CLDN24: variants seen among roughly 807,000 people sequenced by gnomAD.
The protein encoded by CLDN24 is claudin 24, also known as claudin-24.
For synonymous variants in CLDN24, 103 were observed against 104.7 expected (o/e 0.98, Z 0.10); for missense variants, 217 against 253.9 (o/e 0.85, Z 0.99).
chr4:183,321,771 TGAG>T lies in CLDN24; in HGVS notation c.653_655del (p.Pro218del), dbSNP rs1186318987. The stretch of plus-strand genomic sequence containing the variant: ...TCTGGCCTTGTCGGAGTCTTACACT[TGAG>T]GATCTGCTGTCCCATCTTCCAGGTA... On this transcript the variant is annotated inframe_deletion, in exon 1 of 1. Coordinates refer to ENST00000541814, the MANE Select transcript of CLDN24 (RefSeq NM_001185149.1). The T allele has an allele frequency of 1.5e-5, 23 of 1,544,234 alleles. No individual in the cohort carries two copies. Among genetic ancestry groups the T allele is most frequent in the Admixed American group, 5.9e-5 (3 of 50,744 alleles).
rs532949417 is a variant in CLDN24 at position 183,322,074 on chromosome 4, A to G, written c.353T>C (p.Leu118Pro). ...GGACAGAATTCCTCCCAGAATGAGC[A>G]GTCGCCTCTTGAGATCTCTCTGACT... ...GESQRDLKRR[L>P]LILGGILSWA... The change falls in exon 1 of 1, where the codon CTG becomes CCG. Residue 118 changes from leucine to proline, a missense_variant. Leu to Pro is a moderately conservative substitution (Grantham distance 98, BLOSUM62 -3). Transcript: ENST00000541814. 100 of 1,613,966 alleles carry G rather than the reference A, an allele frequency of 6.2e-5. 2 individuals are homozygous for G. In the Middle Eastern group the frequency reaches 6.6e-4, roughly 11 times the overall value.
In CLDN24 at chr4:183,321,798, T is replaced by A. The variant is rs766993328; in HGVS notation, c.629A>T (p.Tyr210Phe). 6.5e-7 allele frequency: 1 copy of A among 1,549,916 alleles called. No individual in the cohort carries two copies. Among genetic ancestry groups the A allele is most frequent in the South Asian group, 1.2e-5 (1 of 84,006 alleles). ...AVAQMQTQCP[Y>F]LEDGTADPQV The stretch of plus-strand genomic sequence containing the variant: ...AGGATCTGCTGTCCCATCTTCCAGG[T>A]AGGGACACTGAGTTTGCATTTGCGC... Residue 210 changes from tyrosine to phenylalanine, a missense_variant, in exon 1 of 1, where the codon TAC becomes TTC. Physicochemically the swap from Tyr to Phe is conservative, Grantham distance 22. Transcript: ENST00000541814.
chr4:183,321,801 G>C lies in CLDN24; in HGVS notation c.626C>G (p.Pro209Arg). ...ATCTGCTGTCCCATCTTCCAGGTAGGGACACTGAGTTTGCATTTGCGCCAC... is the reference window on the plus strand; with the variant it reads ...ATCTGCTGTCCCATCTTCCAGGTAGCGACACTGAGTTTGCATTTGCGCCAC... ...YAVAQMQTQC[P>R]YLEDGTADPQ... is the part of the protein sequence containing the mutation. Residue 209 changes from proline (P) to arginine (R), a missense_variant, in exon 1 of 1, where the codon CCC (proline) becomes CGC (arginine). Physicochemically the swap from Pro to Arg is moderately radical, Grantham distance 103 (BLOSUM62 -2). Coordinates refer to ENST00000541814, the MANE Select transcript of CLDN24 (RefSeq NM_001185149.1). The C allele has an allele frequency of 6.5e-7, 1 of 1,550,222 alleles. No homozygotes were observed. The highest frequency in any genetic ancestry group is 8.7e-7 in the Non-Finnish European group (1 of 1,146,896).
At position 183,322,002 on chromosome 4, in the gene CLDN24, T is replaced by C. The variant is rs766018814; in HGVS notation, c.425A>G (p.His142Arg). The change falls in exon 1 of 1, where the codon CAC (histidine) becomes CGC (arginine). Residue 142 changes from histidine (H) to arginine (R), a missense_variant. His to Arg is a conservative substitution (Grantham distance 29, BLOSUM62 0). Coordinates refer to ENST00000541814, the MANE Select transcript of CLDN24 (RefSeq NM_001185149.1). Reference protein sequence around the residue: ...TALVPVSWVAHKTVQEFWDEN... With the variant: ...TALVPVSWVARKTVQEFWDEN... ...ATCCCAGAACTCCTGAACCGTCTTG[T>C]GGGCAACCCAAGAGACGGGAACCAG... The C allele has an allele frequency of 3.7e-6, 6 of 1,613,290 alleles. No individual in the cohort carries two copies. Among genetic ancestry groups the C allele is most frequent in the East Asian group, 4.5e-5 (2 of 44,856 alleles).
chr4:183,322,116 C>T lies in CLDN24; in HGVS notation c.311G>A (p.Cys104Tyr). 2.5e-6 allele frequency: 4 copies of T among 1,613,724 alleles called. No homozygotes were observed. Among genetic ancestry groups the T allele is most frequent in the Non-Finnish European group, 3.4e-6 (4 of 1,179,778 alleles). ...TCTCTGACTCTCTCCAATTCTCAAA[C>T]AGTCCAGGCCAAACCCAGAGACCAG... ...GLLVSGFGLD[C>Y]LRIGESQRDL... The change falls in exon 1 of 1, where the codon TGT (cysteine) becomes TAT (tyrosine). Residue 104 changes from cysteine (C) to tyrosine (Y), a missense_variant. Cys to Tyr is a radical substitution (Grantham distance 194, BLOSUM62 -2). Transcript: ENST00000541814.
rs779183240 is a variant in CLDN24 at position 183,321,963 on chromosome 4, T to C, written c.464A>G (p.Asp155Gly). 6.3e-7 allele frequency: 1 copy of C among 1,595,858 alleles called. No individual in the cohort carries two copies. The highest frequency in any genetic ancestry group is 1.1e-5 in the South Asian group (1 of 88,024). ...VQEFWDENVP[D>G]FVPRWEFGEA... ...CCCAAACTCCCACCTGGGGACAAAGTCTGGGACGTTCTCATCCCAGAACTC... is the reference window on the plus strand; with the variant it reads ...CCCAAACTCCCACCTGGGGACAAAGCCTGGGACGTTCTCATCCCAGAACTC... Residue 155 changes from aspartate to glycine, a missense_variant, in exon 1 of 1, where the codon GAC (aspartate) becomes GGC (glycine). Transcript: ENST00000541814.
chr4:183,322,046 C>G lies in CLDN24; in HGVS notation c.381G>C (p.Trp127Cys). The G allele has an allele frequency of 6.2e-7, 1 of 1,613,886 alleles. No homozygotes were observed. Among genetic ancestry groups the G allele is most frequent in the Non-Finnish European group, 8.5e-7 (1 of 1,179,858 alleles). Residue 127 changes from tryptophan to cysteine, a missense_variant, in exon 1 of 1, where the codon TGG (tryptophan) becomes TGC (cysteine). Trp to Cys is a radical substitution (Grantham distance 215). Transcript: ENST00000541814. ...GAACCAGGGCTGTGATTCCCGAGGC[C>G]CAGGACAGAATTCCTCCCAGAATGA... ...RLLILGGILSWASGITALVPV... is the reference protein window; with the variant it reads ...RLLILGGILSCASGITALVPV...
In CLDN24 at chr4:183,322,398, T is replaced by G. The variant is rs1431107391; in HGVS notation, c.29A>C (p.Gln10Pro). 1 of 1,607,066 alleles carries G rather than the reference T, an allele frequency of 6.2e-7. No homozygotes were observed. Among genetic ancestry groups the G allele is most frequent in the Non-Finnish European group, 8.5e-7 (1 of 1,179,918 alleles). Residue 10 changes from glutamine to proline, a missense_variant, in exon 1 of 1, where the codon CAA becomes CCA. Physicochemically the swap from Gln to Pro is moderately conservative, Grantham distance 76. Transcript: ENST00000541814. MALIFRTAMQSVGLLLSLLG... is the reference protein window; with the variant it reads MALIFRTAMPSVGLLLSLLG... ...GAGAGATAGTAAAAGTCCAACAGAT[T>G]GCATTGCTGTTCTAAAGATTAAAGC...
In CLDN24 at chr4:183,322,114, A is replaced by C; in HGVS notation, c.313T>G (p.Leu105Val). The C allele has an allele frequency of 6.2e-7, 1 of 1,613,756 alleles. No homozygotes were observed. The highest frequency in any genetic ancestry group is 8.5e-7 in the Non-Finnish European group (1 of 1,179,836). ...TCTCTCTGACTCTCTCCAATTCTCA[A>C]ACAGTCCAGGCCAAACCCAGAGACC... ...LLVSGFGLDC[L>V]RIGESQRDLK... Residue 105 changes from leucine (L) to valine (V), a missense_variant, in exon 1 of 1, where the codon TTG becomes GTG. Physicochemically the swap from Leu to Val is conservative, Grantham distance 32. Transcript: ENST00000541814.
rs1243023348 is a variant in CLDN24 at position 183,321,903 on chromosome 4, G to GAAAGTCCAGC, written c.514_523dup (p.Ser175CysfsTer?). ...GAGCAGACACCCTCCTAGCAGAAGAGAAAGTCCAGCAAACCAGCCCAGAAA... is the reference window on the plus strand; with the variant it reads ...GAGCAGACACCCTCCTAGCAGAAGAGAAAGTCCAGCAAAGTCCAGCAAACCAGCCCAGAAA... On this transcript the variant is annotated frameshift_variant, in exon 1 of 1. Transcript: ENST00000541814. LOFTEE classifies it low-confidence loss of function (END_TRUNC). 6.3e-7 allele frequency: 1 copy of GAAAGTCCAGC among 1,582,014 alleles called. No homozygotes were observed. Among genetic ancestry groups the GAAAGTCCAGC allele is most frequent in the East Asian group, 2.3e-5 (1 of 42,736 alleles).
In CLDN24 at chr4:183,321,898, G is replaced by T. The variant is rs914323438; in HGVS notation, c.529C>A (p.Leu177Met). ...FLGWFAGLSL[L>M]LGGCLLNCAA... is the part of the protein sequence containing the mutation. ...CAGTTGAGCAGACACCCTCCTAGCA[G>T]AAGAGAAAGTCCAGCAAACCAGCCC... is the stretch of plus-strand genomic sequence containing the variant. The change falls in exon 1 of 1, where the codon CTG becomes ATG. Residue 177 changes from leucine to methionine, a missense_variant. Leu to Met is a conservative substitution (Grantham distance 15, BLOSUM62 2). Transcript: ENST00000541814. The T allele has an allele frequency of 6.3e-7, 1 of 1,579,836 alleles. No homozygotes were observed. The highest frequency in any genetic ancestry group is 8.6e-7 in the Non-Finnish European group (1 of 1,162,848).
chr4:183,322,347 G>T lies in CLDN24; in HGVS notation c.80C>A (p.Thr27Lys), dbSNP rs776584334. Residue 27 changes from threonine (T) to lysine (K), a missense_variant, in exon 1 of 1, where the codon ACA (threonine) becomes AAA (lysine). Transcript: ENST00000541814. The stretch of plus-strand genomic sequence containing the variant: ...GTTCTTCCAGTGTGGCAAATAAGTT[G>T]TAATAATGGATAAAATCCATCCCAG... Reference protein sequence around the residue: ...SLLGWILSIITTYLPHWKNLN... With the variant: ...SLLGWILSIIKTYLPHWKNLN... 2.5e-6 allele frequency: 4 copies of T among 1,613,708 alleles called. No homozygotes were observed. Among genetic ancestry groups the T allele is most frequent in the Non-Finnish European group, 3.4e-6 (4 of 1,180,028 alleles).
rs1312732926 is a variant in CLDN24 at position 183,322,354 on chromosome 4, T to C, written c.73A>G (p.Ile25Val). 1.2e-6 allele frequency: 2 copies of C among 1,613,516 alleles called. No homozygotes were observed. Among genetic ancestry groups the C allele is most frequent in the Non-Finnish European group, 1.7e-6 (2 of 1,180,016 alleles). The stretch of plus-strand genomic sequence containing the variant: ...CAGTGTGGCAAATAAGTTGTAATAA[T>C]GGATAAAATCCATCCCAGGAGAGAT... Reference protein sequence around the residue: ...LLSLLGWILSIITTYLPHWKN... With the variant: ...LLSLLGWILSVITTYLPHWKN... Residue 25 changes from isoleucine (I) to valine (V), a missense_variant, in exon 1 of 1, where the codon ATT becomes GTT. Coordinates refer to ENST00000541814, the MANE Select transcript of CLDN24 (RefSeq NM_001185149.1).
chr4:183,322,329 C>T lies in CLDN24; in HGVS notation c.98G>A (p.Trp33Ter). ...ATTTAAGTCCAGGTTGAGGTTCTTC[C>T]AGTGTGGCAAATAAGTTGTAATAAT... ...LSIITTYLPHWKNLNLDLNEM... is the reference protein window; with the variant it reads ...LSIITTYLPH The change falls in exon 1 of 1, where the codon TGG (tryptophan) becomes TAG (stop). Residue 33 changes from tryptophan to a stop codon, truncating the protein, a stop_gained. Coordinates refer to ENST00000541814, the MANE Select transcript of CLDN24 (RefSeq NM_001185149.1). LOFTEE classifies it low-confidence loss of function (END_TRUNC). 1 of 1,613,944 alleles carries T rather than the reference C, an allele frequency of 6.2e-7. No individual in the cohort carries two copies. Among genetic ancestry groups the T allele is most frequent in the Non-Finnish European group, 8.5e-7 (1 of 1,180,026 alleles).
In CLDN24 at chr4:183,321,869, T is replaced by C; in HGVS notation, c.558A>G (p.Ala186=). 6.4e-7 allele frequency: 1 copy of C among 1,567,102 alleles called. No individual in the cohort carries two copies. Among genetic ancestry groups the C allele is most frequent in the Non-Finnish European group, 8.7e-7 (1 of 1,155,860 alleles). The change falls in exon 1 of 1, where the codon GCA becomes GCG. Residue 186 remains alanine (A), a synonymous_variant. Transcript: ENST00000541814. ...CTAGGGGAGCGTGGCTGGAGCAGGCTGCGCAGTTGAGCAGACACCCTCCTA... is the reference window on the plus strand; with the variant it reads ...CTAGGGGAGCGTGGCTGGAGCAGGCCGCGCAGTTGAGCAGACACCCTCCTA... ...LLLGGCLLNC[A]ACSSHAPLAL... is the part of the protein sequence containing the mutation.
rs1451845959 is a variant in CLDN24, at chr4:183,321,785, C to T, written c.642G>A (p.Gly214=). The T allele has an allele frequency of 2.6e-6, 4 of 1,547,652 alleles. No individual in the cohort carries two copies. The highest frequency in any genetic ancestry group is 4.9e-5 in the East Asian group (2 of 40,908). The change falls in exon 1 of 1, where the codon GGG becomes GGA. Residue 214 remains glycine, a synonymous_variant. Coordinates refer to ENST00000541814, the MANE Select transcript of CLDN24 (RefSeq NM_001185149.1). ...MQTQCPYLED[G]TADPQV ...AGTCTTACACTTGAGGATCTGCTGT[C>T]CCATCTTCCAGGTAGGGACACTGAG...
rs776071053 is a variant in CLDN24 at position 183,321,971 on chromosome 4, G to A, written c.456C>T (p.Asn152=). The change falls in exon 1 of 1, where the codon AAC becomes AAT. Residue 152 remains asparagine (N), a synonymous_variant. Transcript: ENST00000541814. ...HKTVQEFWDE[N]VPDFVPRWEF... is the part of the protein sequence containing the mutation. ...CCCACCTGGGGACAAAGTCTGGGACGTTCTCATCCCAGAACTCCTGAACCG... is the reference window on the plus strand; with the variant it reads ...CCCACCTGGGGACAAAGTCTGGGACATTCTCATCCCAGAACTCCTGAACCG... 5.6e-6 allele frequency: 9 copies of A among 1,603,556 alleles called. No homozygotes were observed. The highest frequency in any genetic ancestry group is 2.3e-5 in the East Asian group (1 of 44,248).
Position 183,322,184 on chromosome 4 carries a change from C to A in CLDN24, c.243G>T (p.Arg81Ser). The A allele has an allele frequency of 6.2e-7, 1 of 1,613,258 alleles. No homozygotes were observed. The highest frequency in any genetic ancestry group is 8.5e-7 in the Non-Finnish European group (1 of 1,179,500). The change falls in exon 1 of 1, where the codon AGG (arginine) becomes AGT (serine). Residue 81 changes from arginine (R) to serine (S), a missense_variant. Physicochemically the swap from Arg to Ser is moderately radical, Grantham distance 110. Transcript: ENST00000541814. The stretch of plus-strand genomic sequence containing the variant: ...GCCCATTTGACAGAAACATTAAGAT[C>A]CTGGAGACCCTGAGTTCAGCAGGCA... ...LALPAELRVS[R>S]ILMFLSNGLG...
rs768510197 is a variant in CLDN24 at position 183,322,339 on chromosome 4, A to G, written c.88T>C (p.Leu30=). The G allele has an allele frequency of 9.3e-6, 15 of 1,613,708 alleles. No individual in the cohort carries two copies. The Admixed American group carries it at 2.0e-4, about 22-fold the overall frequency. The stretch of plus-strand genomic sequence containing the variant: ...AGGTTGAGGTTCTTCCAGTGTGGCA[A>G]ATAAGTTGTAATAATGGATAAAATC... ...GWILSIITTY[L]PHWKNLNLDL... The change falls in exon 1 of 1, where the codon TTG becomes CTG. Residue 30 remains leucine, a synonymous_variant. Transcript: ENST00000541814.
Sources: gnomAD v4.1 joint callset for allele counts on GRCh38, gnomAD v4.1.1 for gene constraint, MANE v1.5 for transcripts, NCBI Gene and HGNC (gene_info 2026-07-23, HGNC 2026-07-21) for gene names.